Variants in SGCZ observed in about 807,000 individuals in gnomAD.
The protein encoded by SGCZ is zeta-sarcoglycan.
A neutral mutation model predicts 41.3 loss-of-function variants in SGCZ; 40 were observed. The ratio of observed to expected loss-of-function variants is 0.97; its 90% CI spans 0.75 to 1.26. The LOEUF is 1.26. SGCZ is among the 50% of genes most tolerant of loss of function. SGCZ has a pLI of 0.00. For synonymous variants in SGCZ, 206 were observed against 137.5 expected (o/e 1.50, Z -3.49); for missense variants, 552 against 369.8 (o/e 1.49, Z -4.04).
chr8:15,063,775 T>C (rs1186121652), intron 1 of SGCZ, among the ~76,000 whole-genome samples: 3 of 152,230 alleles, frequency 2.0e-5, no homozygotes, highest in African/African-American at 7.2e-5. Flanking sequence ...AGTGAAGTCA[T>C]GGGATAGTTC....
chr8:14,108,151 G>A lies in SGCZ; in HGVS notation c.620+12C>T. ...TGGATTTTATGCCACAGGTATAAGA[G>A]GAAGCCCTTACCTGAGATCTTGGGA... On this transcript the variant is annotated intron_variant, in intron 6 of 7. Coordinates refer to ENST00000382080, the MANE Select transcript of SGCZ (RefSeq NM_139167.4). 6 of 1,613,584 alleles carry A rather than the reference G, an allele frequency of 3.7e-6. No individual in the cohort carries two copies. The highest frequency in any genetic ancestry group is 1.3e-5 in the African/African-American group (1 of 74,998).
At position 15,002,638 on chromosome 8, in the gene SGCZ, G is replaced by C. The variant is rs558214870; in HGVS notation, c.39+234947C>G. ...AACCTCATAAGGGTGTGAGTGCTCAGCTCATCACCTTCTCAAGCTTTTTGG... is the reference window on the plus strand; with the variant it reads ...AACCTCATAAGGGTGTGAGTGCTCACCTCATCACCTTCTCAAGCTTTTTGG... On this transcript the variant is annotated intron_variant, in intron 1 of 7. Transcript: ENST00000382080. Among the ~76,000 whole-genome samples the C allele has an allele frequency of 7.2e-5, 11 of 152,262 alleles. 1 individual carries two copies. Among genetic ancestry groups the C allele is most frequent in the African/African-American group, 2.6e-4 (11 of 41,548 alleles).
At chr8:14,677,896 C>T (rs899807368) in intron 1 of SGCZ, among the ~76,000 whole-genome samples, 19 of 152,238 alleles carry the variant, frequency 1.2e-4, no homozygotes, top group African/African-American at 4.6e-4. Context: ...TTATCTGACC[C>T]TAGTATTTAC....
At chr8:14,402,469 G>C (rs1027809003) in intron 2 of SGCZ, among the ~76,000 whole-genome samples, 4 of 151,356 alleles carry the variant, frequency 2.6e-5, no homozygotes, top group Non-Finnish European at 5.9e-5. Flanking sequence ...TTTTGTATAA[G>C]GTGTAAGGAA....
chr8:14,447,807 C>T (rs772160549), intron 2 of SGCZ, among the ~76,000 whole-genome samples: 1 of 152,134 alleles, frequency 6.6e-6, no homozygotes, highest in Admixed American at 6.5e-5. Context: ...AATGACTTTG[C>T]ATTGTTTGAT....
chr8:14,356,075 A>G (rs1324832232), intron 2 of SGCZ, among the ~76,000 whole-genome samples: 1 of 152,212 alleles, frequency 6.6e-6, no homozygotes, highest in Non-Finnish European at 1.5e-5. Context: ...CAGTGAGACC[A>G]CAGCTTCCAG....
chr8:14,843,165 T>C (rs1458707269), intron 1 of SGCZ, among the ~76,000 whole-genome samples: 4 of 152,212 alleles, frequency 2.6e-5, no homozygotes, highest in Middle Eastern at 3.4e-3. Flanking sequence ...TGAGCTGAGA[T>C]TGCACCACTG....
At chr8:14,560,271 G>A (rs373642415) in intron 1 of SGCZ, among the ~76,000 whole-genome samples, 10 of 151,906 alleles carry the variant, frequency 6.6e-5, no homozygotes, top group Admixed American at 2.0e-4. Context: ...TAATTGTCCT[G>A]ATTTGATCAT....
intron 1 of SGCZ, among the ~76,000 whole-genome samples, chr8:15,047,293 T>C (rs1318663333): frequency 2.0e-5 from 3 of 152,062 alleles, no homozygotes; most frequent in African/African-American, 7.2e-5. Context: ...TAATTCACAC[T>C]TCTATCAAGA....
intron 2 of SGCZ, among the ~76,000 whole-genome samples, chr8:14,338,193 T>C (rs1802566313): frequency 6.6e-6 from 1 of 152,114 alleles, no homozygotes; most frequent in African/African-American, 2.4e-5. Context: ...AAAAGTGCAG[T>C]CGTCTTAGCC....
At chr8:15,209,544 A>G (rs1467227377) in intron 1 of SGCZ, among the ~76,000 whole-genome samples, 3 of 151,908 alleles carry the variant, frequency 2.0e-5, no homozygotes, top group African/African-American at 7.3e-5. Flanking sequence ...TATAAAAAGA[A>G]TGAAAGAGAA....
intron 1 of SGCZ, among the ~76,000 whole-genome samples, chr8:15,037,719 G>A (rs1305414815): frequency 6.6e-6 from 1 of 152,116 alleles, no homozygotes; most frequent in Non-Finnish European, 1.5e-5. Context: ...TCATATGCAT[G>A]CAGAAAATGC....
chr8:14,752,061 G>A (rs1035647755), intron 1 of SGCZ, among the ~76,000 whole-genome samples: 2 of 142,714 alleles, frequency 1.4e-5, no homozygotes, highest in Non-Finnish European at 3.0e-5. Context: ...CACAAAGAAG[G>A]GTAAAGATGA....
intron 1 of SGCZ, among the ~76,000 whole-genome samples, chr8:14,702,813 GTAGATAGATAGATAGATAGATAGA>G (rs71209077): frequency 0.05 from 5,762 of 115,190 alleles, 199 homozygotes; most frequent in South Asian, 0.065. Context: ...AGGTAGTTAG[GTAGATAGATAGATAGATAGATAGA>G]TAGATAGATA....
chr8:14,759,037 C>G (rs1359243660), intron 1 of SGCZ, among the ~76,000 whole-genome samples: 1 of 151,390 alleles, frequency 6.6e-6, no homozygotes, highest in African/African-American at 2.4e-5. Context: ...TCTTTACAGT[C>G]AAATTCCAAG....
intron 2 of SGCZ, among the ~76,000 whole-genome samples, chr8:14,525,193 T>TAGAC (rs199587564): frequency 8.0e-5 from 6 of 74,630 alleles, no homozygotes; most frequent in African/African-American, 1.6e-4. Flanking sequence ...GATAGATAGA[T>TAGAC]AGACAGACAG....
intron 3 of SGCZ, among the ~76,000 whole-genome samples, chr8:14,278,516 C>T (rs576957918): frequency 1.8e-4 from 28 of 152,138 alleles, no homozygotes; most frequent in African/African-American, 5.8e-4. Flanking sequence ...TAGGATTATC[C>T]TGCCCAACTA....
At chr8:14,968,482 T>C (rs947161336) in intron 1 of SGCZ, among the ~76,000 whole-genome samples, 3 of 152,100 alleles carry the variant, frequency 2.0e-5, no homozygotes, top group Non-Finnish European at 4.4e-5. Flanking sequence ...CTATAGCAGA[T>C]CCTAGATTAG....
chr8:14,277,825 G>T (rs563320305), intron 3 of SGCZ, among the ~76,000 whole-genome samples: 36 of 152,092 alleles, frequency 2.4e-4, no homozygotes, highest in Non-Finnish European at 1.6e-4. Context: ...CTTTCCCAAA[G>T]AAAGGTAATT....
Sources: gnomAD v4.1 joint callset for allele counts (sites outside exome capture counted in the v4.1 genomes callset) on GRCh38, gnomAD v4.1.1 for gene constraint, MANE v1.5 for transcripts, NCBI Gene and HGNC (gene_info 2026-07-23, HGNC 2026-07-21) for gene names.